C8A: variants seen among roughly 807,000 people sequenced by gnomAD.
The protein encoded by C8A is complement C8 alpha chain.
C8A carries 67 observed loss-of-function variants against 65.3 expected under a neutral mutation model. That is an observed-to-expected ratio of 1.03 (90% CI 0.84 to 1.26). The LOEUF (loss-of-function observed/expected upper bound fraction) is 1.26. Among genes scored for constraint, C8A ranks in the 50% most tolerant of loss-of-function variants. C8A has a pLI of 0.00. For missense variants in C8A, 781 were observed against 723.9 expected (o/e 1.08, Z -0.90); for synonymous variants, 290 against 259.4 (o/e 1.12, Z -1.13).
chr1:56,883,398 C>A, intron 5 of C8A, 83 bp from the exon 6 acceptor site: 1 of 1,256,940 alleles, frequency 8.0e-7, no homozygotes, highest in Non-Finnish European at 1.1e-6. Flanking sequence ...AGATATTTTA[C>A]AAAGCAAAGA....
At chr1:56,899,070 C>T (rs1017782527) in intron 7 of C8A, among the ~76,000 whole-genome samples, 2 of 152,094 alleles carry the variant, frequency 1.3e-5, no homozygotes, top group Admixed American at 6.5e-5. Flanking sequence ...TCCCCAGTTA[C>T]CATGACAACC....
At chr1:56,910,144 A>G (rs980724315) in intron 9 of C8A, among the ~76,000 whole-genome samples, 6 of 152,210 alleles carry the variant, frequency 3.9e-5, no homozygotes, top group Non-Finnish European at 7.4e-5. Context: ...TGGAAACAGC[A>G]TGTTATTCAC....
At chr1:56,902,686 C>A (rs1037668246) in intron 7 of C8A, among the ~76,000 whole-genome samples, 2 of 152,080 alleles carry the variant, frequency 1.3e-5, no homozygotes, top group African/African-American at 4.8e-5. Context: ...CCATGATACC[C>A]TTTGATTCTA....
chr1:56,874,336 C>T (rs954753964), intron 2 of C8A, among the ~76,000 whole-genome samples: 1 of 152,172 alleles, frequency 6.6e-6, no homozygotes, highest in African/African-American at 2.4e-5. Flanking sequence ...AGTCCTTTCC[C>T]ACCTTAACTA....
At chr1:56,871,687 A>G (rs1302803182) in intron 2 of C8A, among the ~76,000 whole-genome samples, 2 of 152,220 alleles carry the variant, frequency 1.3e-5, no homozygotes, top group Admixed American at 6.5e-5. Context: ...TGAAGATTAA[A>G]TAAGATAAGG....
rs761550579 is a variant in C8A at position 56,874,991 on chromosome 1, AC to A, written c.216del (p.Ile73SerfsTer19). On this transcript the variant is annotated frameshift_variant, in exon 3 of 11. Coordinates refer to ENST00000361249, the MANE Select transcript of C8A (RefSeq NM_000562.3). LOFTEE classifies it high-confidence loss of function. The part of the protein sequence containing the change: ...SLLQPNKFGG[T>X]ICSGDIWDQA... ...CTTGCAGCCAAACAAGTTTGGGGGA[AC>A]CATCTGCAGTGGTGACATCTGGGAT... 1 of 1,613,758 alleles carries A rather than the reference AC, an allele frequency of 6.2e-7. No individual in the cohort carries two copies. The highest frequency in any genetic ancestry group is 1.1e-5 in the South Asian group (1 of 91,066).
chr1:56,857,603 A>G (rs991154511), intron 1 of C8A, among the ~76,000 whole-genome samples: 4 of 152,052 alleles, frequency 2.6e-5, no homozygotes, highest in Non-Finnish European at 5.9e-5. Context: ...TTTTGATTAT[A>G]GTAATTAGAC....
intron 7 of C8A, among the ~76,000 whole-genome samples, chr1:56,890,176 C>A (rs1417842674): frequency 6.6e-6 from 1 of 152,124 alleles, no homozygotes; most frequent in African/African-American, 2.4e-5. Context: ...TCCTGGCCTC[C>A]TTTGCACATG....
At chr1:56,896,087 A>G (rs967416636) in intron 7 of C8A, among the ~76,000 whole-genome samples, 7 of 152,204 alleles carry the variant, frequency 4.6e-5, no homozygotes, top group African/African-American at 1.7e-4. Context: ...ATAAAAACAT[A>G]TTTAATTACT....
chr1:56,909,892 C>T (rs983233333), intron 9 of C8A, among the ~76,000 whole-genome samples: 1 of 152,180 alleles, frequency 6.6e-6, no homozygotes, highest in African/African-American at 2.4e-5. Context: ...ATGATAGAGT[C>T]CAACTCGAGT....
At chr1:56,855,012 C>T (rs373550196) in intron 1 of C8A, 34 bp downstream of exon 1, 8 of 1,514,882 alleles carry the variant, frequency 5.3e-6, no homozygotes, top group South Asian at 3.4e-5. Flanking sequence ...AAAACTTGCA[C>T]GTAGGAATCA....
chr1:56,885,315 A>AAC (rs1644282165), intron 6 of C8A, among the ~76,000 whole-genome samples: 1 of 117,038 alleles, frequency 8.5e-6, no homozygotes, highest in Admixed American at 8.9e-5. Context: ...TATTTACATA[A>AAC]ATATATTTAT....
At position 56,888,987 on chromosome 1, in the gene C8A, C is replaced by T. The variant is rs554148152; in HGVS notation, c.1096+2820C>T. Among the ~76,000 whole-genome samples the T allele has an allele frequency of 3.9e-5, 6 of 152,168 alleles. No individual in the cohort carries two copies. The East Asian group carries it at 7.7e-4, about 20-fold the overall frequency. ...TGGTATAGCCTTTCATTTGGGCTCC[C>T]GTCTTTGGGGCTGGATTACTAATTA... On this transcript the variant is annotated intron_variant, in intron 7 of 10. Coordinates refer to ENST00000361249, the MANE Select transcript of C8A (RefSeq NM_000562.3).
At position 56,912,523 on chromosome 1, in the gene C8A, C is replaced by T. The variant is rs962099526; in HGVS notation, c.1501C>T (p.Pro501Ser). The T allele has an allele frequency of 1.2e-6, 2 of 1,614,226 alleles. No homozygotes were observed. Among genetic ancestry groups the T allele is most frequent in the African/African-American group, 1.3e-5 (1 of 75,046 alleles). The change falls in exon 10 of 11, where the codon CCT becomes TCT. Residue 501 changes from proline (P) to serine (S), a missense_variant. By Grantham distance (74) the Pro-to-Ser change is moderately conservative. Transcript: ENST00000361249. Reference sequence around the variant, plus strand: ...GGAATTCAATGCCTGCCGATGTGGGCCTTGCTTCAACAATGGGGTGCCCAT... The same window carrying T: ...GGAATTCAATGCCTGCCGATGTGGGTCTTGCTTCAACAATGGGGTGCCCAT... ...LMEFNACRCG[P>S]CFNNGVPILE...
chr1:56,908,760 TG>T (rs1270251301), intron 9 of C8A, among the ~76,000 whole-genome samples: 2 of 152,126 alleles, frequency 1.3e-5, no homozygotes, highest in African/African-American at 2.4e-5. Flanking sequence ...AAAAATCAAG[TG>T]AAAATATTTG....
At chr1:56,912,052 G>A (rs772005727) in intron 9 of C8A, among the ~76,000 whole-genome samples, 3 of 152,180 alleles carry the variant, frequency 2.0e-5, no homozygotes, top group African/African-American at 4.8e-5. Flanking sequence ...ATAGGGGAAA[G>A]GCCTGTCATA....
intron 9 of C8A, among the ~76,000 whole-genome samples, chr1:56,908,450 T>C (rs1279423053): frequency 6.6e-6 from 1 of 152,194 alleles, no homozygotes; most frequent in Non-Finnish European, 1.5e-5. Context: ...AATTAGGGGG[T>C]GGCAAACTTT....
rs115759176 is a variant in C8A, at chr1:56,873,979, C to A, written c.172-970C>A. Among the ~76,000 whole-genome samples the A allele has an allele frequency of 3.6e-3, 552 of 152,222 alleles. 3 individuals are homozygous for A. The highest frequency in any genetic ancestry group is 0.013 in the African/African-American group (523 of 41,536). ...TGAAACTCTAAAGTCCCAAGATTGG[C>A]GTGCATTTTAATTCCTTCCTTCTGT... On this transcript the variant is annotated intron_variant, in intron 2 of 10. Coordinates refer to ENST00000361249, the MANE Select transcript of C8A (RefSeq NM_000562.3).
intron 7 of C8A, among the ~76,000 whole-genome samples, chr1:56,905,620 GA>G (rs1270874717): frequency 6.6e-6 from 1 of 152,166 alleles, no homozygotes; most frequent in African/African-American, 2.4e-5. Flanking sequence ...ATACTCCCTT[GA>G]AAATAGTGAA....
Sources: allele counts gnomAD v4.1 joint callset (sites outside exome capture counted in the v4.1 genomes callset), GRCh38; gene constraint gnomAD v4.1.1; transcripts MANE v1.5; gene names NCBI Gene and HGNC (gene_info 2026-07-23, HGNC 2026-07-21).